Variants in SCML2 observed in about 807,000 individuals in gnomAD.
SCML2 encodes sex comb on midleg-like protein 2.
In SCML2, 6 loss-of-function variants were observed where a neutral mutation model predicts 48.4. The ratio of observed to expected loss-of-function variants is 0.12; its 90% CI spans 0.07 to 0.24. The LOEUF is 0.24. Among genes scored for constraint, SCML2 ranks in the 10% least tolerant of loss-of-function variants. The pLI is 1.00. For synonymous variants in SCML2, 181 were observed against 189.5 expected (o/e 0.95, Z 0.37); for missense variants, 377 against 528.2 (o/e 0.71, Z 2.81).
chrX:18,251,750 C>G (rs931907362), intron 11 of SCML2, among the ~76,000 whole-genome samples: 1 of 112,130 alleles, frequency 8.9e-6, no homozygotes, highest in African/African-American at 3.2e-5. Context: ...CAGAGTTAAC[C>G]ATATGACCCA....
intron 6 of SCML2, among the ~76,000 whole-genome samples, chrX:18,315,747 A>G (rs1427143856): frequency 1.8e-5 from 2 of 112,054 alleles, no homozygotes; most frequent in Non-Finnish European, 3.8e-5. Flanking sequence ...GTGGCCAAGG[A>G]TAAGTGTTTC....
chrX:18,275,508 C>A (rs1442523564), intron 7 of SCML2, among the ~76,000 whole-genome samples: 1 of 112,532 alleles, frequency 8.9e-6, no homozygotes, highest in Non-Finnish European at 1.9e-5. Context: ...TTGGCATAGA[C>A]CTTATAACAT....
chrX:18,339,034 T>G (rs184938600), intron 1 of SCML2, among the ~76,000 whole-genome samples: 140 of 110,795 alleles, frequency 1.3e-3, no homozygotes, highest in African/African-American at 4.3e-3. Context: ...TCTGTCCTAA[T>G]GAAAACTTCC....
intron 2 of SCML2, among the ~76,000 whole-genome samples, chrX:18,333,301 A>T (rs914808893): frequency 1.8e-5 from 2 of 111,294 alleles, no homozygotes; most frequent in East Asian, 5.7e-4. Context: ...ATAAAAATTT[A>T]AAAAAAGACA....
In SCML2 at chrX:18,276,055, C is replaced by G. The variant is rs779805889; in HGVS notation, c.731-10253G>C. Among the ~76,000 whole-genome samples the G allele has an allele frequency of 3.4e-4, 38 of 112,183 alleles. 1 individual carries two copies. The highest frequency in any genetic ancestry group is 1.2e-3 in the African/African-American group (38 of 30,906). The stretch of plus-strand genomic sequence containing the variant: ...GGCTCACGCCTGTAATCCCAGCACT[C>G]TGGGAGGCCAAGGCAGGCAGATCAG... On this transcript the variant is annotated intron_variant, in intron 7 of 14. Coordinates refer to ENST00000251900, the MANE Select transcript of SCML2 (RefSeq NM_006089.3).
intron 6 of SCML2, among the ~76,000 whole-genome samples, chrX:18,311,231 T>C (rs1928938015): frequency 2.7e-5 from 3 of 112,137 alleles, no homozygotes; most frequent in South Asian, 7.4e-4. Flanking sequence ...TTTACAAATA[T>C]TTACTTAGTA....
intron 7 of SCML2, among the ~76,000 whole-genome samples, chrX:18,297,729 T>C (rs1244379683): frequency 9.0e-6 from 1 of 111,693 alleles, no homozygotes; most frequent in East Asian, 2.8e-4. Context: ...GGCTCACACC[T>C]GTAATCCCAA....
In SCML2 at chrX:18,240,843, C is replaced by G. The variant is rs2147455410; in HGVS notation, c.*408G>C. 8.8e-6 allele frequency: 1 copy of G among 113,507 alleles called. No homozygotes were observed. Among genetic ancestry groups the G allele is most frequent in the African/African-American group, 3.2e-5 (1 of 31,004 alleles). 9.4% of individuals were successfully genotyped at this position (113,507 alleles called of 1,213,427 possible). The stretch of plus-strand genomic sequence containing the variant: ...TCATGGATTTAATTATAGAAGTTGT[C>G]AATCCCTGATATTTTCCCCTTTGGG... On this transcript the variant is annotated 3_prime_UTR_variant, in exon 15 of 15. Coordinates refer to ENST00000251900, the MANE Select transcript of SCML2 (RefSeq NM_006089.3).
At chrX:18,246,439 A>G (rs1926449070) in intron 13 of SCML2, 138 bp downstream of exon 13, 1 of 563,288 alleles carries the variant, frequency 1.8e-6, no homozygotes, top group Admixed American at 3.5e-5. Flanking sequence ...GTCTGACCTG[A>G]CAGTGATGTG....
At chrX:18,323,620 C>CAT (rs754523117) in intron 5 of SCML2, among the ~76,000 whole-genome samples, 6 of 111,611 alleles carry the variant, frequency 5.4e-5, no homozygotes, top group Non-Finnish European at 1.1e-4. Flanking sequence ...GAAGACCTAG[C>CAT]ATGAGTCTTG....
chrX:18,349,954 T>C (rs952278825), intron 1 of SCML2, among the ~76,000 whole-genome samples: 1 of 111,698 alleles, frequency 9.0e-6, no homozygotes, highest in Non-Finnish European at 1.9e-5. Flanking sequence ...CTAAAATTTT[T>C]TCAAGTTATT....
intron 7 of SCML2, among the ~76,000 whole-genome samples, chrX:18,283,207 A>T (rs1260445999): frequency 8.9e-6 from 1 of 112,158 alleles, no homozygotes; most frequent in Non-Finnish European, 1.9e-5. Flanking sequence ...CCACACAATC[A>T]TCTCAATAGG....
chrX:18,350,242 G>A (rs775392792), intron 1 of SCML2, among the ~76,000 whole-genome samples: 18 of 109,759 alleles, frequency 1.6e-4, no homozygotes, highest in Non-Finnish European at 2.9e-4. Flanking sequence ...TCACACCACC[G>A]CACTCCAGCC....
At chrX:18,248,880 A>G (rs1178922781) in intron 11 of SCML2, among the ~76,000 whole-genome samples, 4 of 112,020 alleles carry the variant, frequency 3.6e-5, no homozygotes, top group African/African-American at 1.3e-4. Context: ...AGTCTTCATC[A>G]TTTATTTGTA....
chrX:18,268,529 CA>C (rs200323875), intron 7 of SCML2, among the ~76,000 whole-genome samples: 646 of 77,166 alleles, frequency 8.4e-3, no homozygotes, highest in African/African-American at 0.022. Flanking sequence ...AACTTCATCT[CA>C]AAAAAAAAAA....
At chrX:18,287,017 C>A (rs777349773) in intron 7 of SCML2, among the ~76,000 whole-genome samples, 2 of 110,962 alleles carry the variant, frequency 1.8e-5, no homozygotes, top group South Asian at 7.7e-4. Flanking sequence ...GGCCAGAGTT[C>A]AAGAGCTAAA....
intron 14 of SCML2, among the ~76,000 whole-genome samples, chrX:18,241,838 C>G (rs1347661086): frequency 8.9e-6 from 1 of 111,803 alleles, no homozygotes; most frequent in African/African-American, 3.3e-5. Flanking sequence ...TGGTTAGATG[C>G]TAAAACTACT....
intron 7 of SCML2, among the ~76,000 whole-genome samples, chrX:18,275,054 C>T (rs1465252480): frequency 3.6e-5 from 4 of 111,873 alleles, no homozygotes. Context: ...AGTCCCCCCA[C>T]CTTCGAGCTG....
At chrX:18,299,969 G>A (rs1928530328) in intron 7 of SCML2, among the ~76,000 whole-genome samples, 1 of 110,473 alleles carries the variant, frequency 9.1e-6, no homozygotes, top group Non-Finnish European at 1.9e-5. Flanking sequence ...CAAACTCCTG[G>A]CTTCAAGCAA....
Sources: allele counts gnomAD v4.1 joint callset (sites outside exome capture counted in the v4.1 genomes callset), GRCh38; gene constraint gnomAD v4.1.1; transcripts MANE v1.5; gene names NCBI Gene and HGNC (gene_info 2026-07-23, HGNC 2026-07-21).